Variants in TMEM45B observed in about 807,000 individuals in gnomAD.
TMEM45B encodes transmembrane protein 45B.
A neutral mutation model predicts 27.3 loss-of-function variants in TMEM45B; 29 were observed. The observed-to-expected ratio is 1.06, with a 90% CI of 0.79 to 1.45. TMEM45B has a LOEUF of 1.45. Ranked by LOEUF, TMEM45B falls within the 40% of genes most tolerant of loss-of-function variation. TMEM45B has a pLI of 0.00. For missense variants in TMEM45B, 348 were observed against 343.9 expected, an observed-to-expected ratio of 1.01 and a Z score of -0.09; for synonymous variants, 143 against 134.7, an observed-to-expected ratio of 1.06 and a Z score of -0.43.
intron 1 of TMEM45B, among the ~76,000 whole-genome samples, chr11:129,818,668 G>A (rs1308537724): frequency 3.3e-5 from 5 of 152,084 alleles, no homozygotes; most frequent in South Asian, 2.1e-4. Flanking sequence ...TGTTTTTCCC[G>A]AACACTTAAT....
chr11:129,826,833 G>A (rs548891353), intron 1 of TMEM45B, among the ~76,000 whole-genome samples: 9 of 150,654 alleles, frequency 6.0e-5, no homozygotes, highest in Admixed American at 3.3e-4. Flanking sequence ...TCAGCCTCCC[G>A]AGTAGCTGGG....
At chr11:129,852,839 T>C (rs1947867643) in intron 2 of TMEM45B, 179 bp downstream of exon 2, 3 of 532,750 alleles carry the variant, frequency 5.6e-6, no homozygotes, top group Non-Finnish European at 9.2e-6. Context: ...TTTATAATAC[T>C]AACGGTTGAC....
rs141017086 is a variant in TMEM45B, at chr11:129,831,218, G to A, written c.-9+15320G>A. Among the ~76,000 whole-genome samples, 735 of 152,182 alleles carry A rather than the reference G, an allele frequency of 4.8e-3. 8 individuals carry two copies. The highest frequency in any genetic ancestry group is 0.016 in the African/African-American group (671 of 41,518). On this transcript the variant is annotated intron_variant, in intron 1 of 5. Transcript: ENST00000281441. The stretch of plus-strand genomic sequence containing the variant: ...TACTGTAGATCTTGGCAATCTCAGC[G>A]TACTAATTTTTTCTTTCGTTATTAA...
At chr11:129,820,230 G>T (rs1438632630) in intron 1 of TMEM45B, among the ~76,000 whole-genome samples, 1 of 151,992 alleles carries the variant, frequency 6.6e-6, no homozygotes, top group Non-Finnish European at 1.5e-5. Flanking sequence ...CAGGAGAATC[G>T]CTTGAACCCA....
chr11:129,855,423 A>G (rs1229917573), intron 3 of TMEM45B, among the ~76,000 whole-genome samples: 1 of 152,228 alleles, frequency 6.6e-6, no homozygotes, highest in Non-Finnish European at 1.5e-5. Flanking sequence ...ACTGAATTTC[A>G]AGTATACACA....
Position 129,852,542 on chromosome 11 carries a change from T to G in TMEM45B, c.60T>G (p.Cys20Trp). Residue 20 changes from cysteine to tryptophan, a missense_variant, in exon 2 of 6, where the codon TGT becomes TGG. Cys to Trp is a radical substitution (Grantham distance 215). Transcript: ENST00000281441. ...GTTTCTTCCTGATCATTGGGCTGTGTTGGTCAGTGAAGTACCCGCTGAAGT... is the reference window on the plus strand; with the variant it reads ...GTTTCTTCCTGATCATTGGGCTGTGGTGGTCAGTGAAGTACCCGCTGAAGT... ...PGSFFLIIGLCWSVKYPLKYF... is the reference protein window; with the variant it reads ...PGSFFLIIGLWWSVKYPLKYF... 6.2e-7 allele frequency: 1 copy of G among 1,613,750 alleles called. No homozygotes were observed. The highest frequency in any genetic ancestry group is 8.5e-7 in the Non-Finnish European group (1 of 1,179,676).
intron 1 of TMEM45B, among the ~76,000 whole-genome samples, chr11:129,818,840 C>T (rs1387672825): frequency 1.3e-5 from 2 of 152,090 alleles, no homozygotes; most frequent in Non-Finnish European, 2.9e-5. Context: ...GGAAGAAAAC[C>T]GGATTTAAGA....
chr11:129,856,386 G>GT (rs1565375014), intron 4 of TMEM45B, among the ~76,000 whole-genome samples: 1 of 148,498 alleles, frequency 6.7e-6, no homozygotes, highest in South Asian at 2.2e-4. Flanking sequence ...TAATTTTTTT[G>GT]TATTTTTAGA....
chr11:129,821,184 G>A (rs188208006), intron 1 of TMEM45B, among the ~76,000 whole-genome samples: 7 of 152,282 alleles, frequency 4.6e-5, no homozygotes, highest in Admixed American at 2.6e-4. Context: ...GGGTGTAGGA[G>A]TTGCTACATT....
intron 1 of TMEM45B, among the ~76,000 whole-genome samples, chr11:129,848,204 G>C (rs1004581700): frequency 2.6e-5 from 4 of 152,104 alleles, no homozygotes; most frequent in African/African-American, 9.7e-5. Context: ...TCACGCCACT[G>C]CACTCCGGCC....
At chr11:129,854,917 T>C in intron 3 of TMEM45B, 101 bp downstream of exon 3, 5 of 1,386,304 alleles carry the variant, frequency 3.6e-6, no homozygotes, top group Non-Finnish European at 4.9e-6. Context: ...TATAATAACC[T>C]CCCCCAGAAA....
intron 1 of TMEM45B, among the ~76,000 whole-genome samples, chr11:129,842,915 C>G (rs1249483394): frequency 6.6e-6 from 1 of 152,108 alleles, no homozygotes. Context: ...GGAGCTAAAT[C>G]CAAAATATAC....
intron 1 of TMEM45B, among the ~76,000 whole-genome samples, chr11:129,832,241 G>C (rs1314493344): frequency 6.7e-6 from 1 of 148,188 alleles, no homozygotes; most frequent in Non-Finnish European, 1.5e-5. Context: ...ATGGTGGCAG[G>C]CTCCTGGAGT....
intron 2 of TMEM45B, 52 bp downstream of exon 2, chr11:129,852,712 C>G: frequency 6.5e-7 from 1 of 1,535,868 alleles, no homozygotes; most frequent in Non-Finnish European, 8.8e-7. Flanking sequence ...TACCCAGAAC[C>G]TTTAATTCAT....
intron 1 of TMEM45B, among the ~76,000 whole-genome samples, chr11:129,840,842 C>T (rs950456386): frequency 2.0e-5 from 3 of 150,308 alleles, no homozygotes; most frequent in African/African-American, 7.3e-5. Context: ...TGCACCATTG[C>T]ACTCCAGCCT....
chr11:129,823,902 A>G (rs1017597556), intron 1 of TMEM45B, among the ~76,000 whole-genome samples: 2 of 151,826 alleles, frequency 1.3e-5, no homozygotes, highest in Non-Finnish European at 2.9e-5. Context: ...CCTTCCTTCC[A>G]GTGTCTTTGA....
At chr11:129,834,685 C>T (rs781768093) in intron 1 of TMEM45B, among the ~76,000 whole-genome samples, 1 of 152,066 alleles carries the variant, frequency 6.6e-6, no homozygotes, top group African/African-American at 2.4e-5. Flanking sequence ...GTGGCATGCA[C>T]CTGTAGTCCC....
chr11:129,849,469 C>T (rs1444671183), intron 1 of TMEM45B, among the ~76,000 whole-genome samples: 1 of 152,248 alleles, frequency 6.6e-6, no homozygotes, highest in African/African-American at 2.4e-5. Flanking sequence ...GTGATACCAC[C>T]TCCAAGGCTT....
At position 129,844,135 on chromosome 11, in the gene TMEM45B, C is replaced by G. The variant is rs1268554659; in HGVS notation, c.-8-8340C>G. Among the ~76,000 whole-genome samples, 3 of 152,148 alleles carry G rather than the reference C, an allele frequency of 2.0e-5. No individual in the cohort carries two copies. The East Asian group carries it at 5.8e-4, about 29-fold the overall frequency. ...ATTCAGCCTTAAAAAAGAAGGAAAT[C>G]CTGCTATTTGCAACAACATGGATGA... On this transcript the variant is annotated intron_variant, in intron 1 of 5. Coordinates refer to ENST00000281441, the MANE Select transcript of TMEM45B (RefSeq NM_138788.5).
Sources: allele counts gnomAD v4.1 joint callset (sites outside exome capture counted in the v4.1 genomes callset), GRCh38; gene constraint gnomAD v4.1.1; transcripts MANE v1.5; gene names NCBI Gene and HGNC (gene_info 2026-07-23, HGNC 2026-07-21).